UGT1A9: variants seen among roughly 807,000 people sequenced by gnomAD.
UGT1A9 encodes UDP glucuronosyltransferase family 1 member A9.
In UGT1A9, 35 loss-of-function variants were observed where a neutral mutation model predicts 45.0. The ratio of observed to expected loss-of-function variants is 0.78; its 90% CI spans 0.59 to 1.03. UGT1A9 has a LOEUF of 1.03. Ranked by LOEUF, UGT1A9 falls within the 50% of genes least tolerant of loss-of-function variation. The probability of loss-of-function intolerance (pLI) is 0.00; values close to 1 mark genes in which losing one functional copy is unlikely to be tolerated. For missense variants in UGT1A9, 687 were observed against 666.6 expected (o/e 1.03, Z -0.34); for synonymous variants, 278 against 250.6 (o/e 1.11, Z -1.03).
intron 1 of UGT1A9, among the ~76,000 whole-genome samples, chr2:233,744,866 G>A (rs1299036461): frequency 1.3e-4 from 20 of 151,914 alleles, no homozygotes; most frequent in Non-Finnish European, 1.5e-4. Context: ...TATTCTGAAG[G>A]GATTAGTTTA....
At chr2:233,733,101 G>T (rs1559378148) in intron 1 of UGT1A9, among the ~76,000 whole-genome samples, 1 of 151,784 alleles carries the variant, frequency 6.6e-6, no homozygotes, top group Non-Finnish European at 1.5e-5. Flanking sequence ...TCATGGTTTG[G>T]CTCTGTTTGT....
intron 1 of UGT1A9, chr2:233,741,852 C>A (rs961100244): frequency 4.0e-5 from 6 of 151,852 alleles, no homozygotes; most frequent in Admixed American, 6.5e-5. Flanking sequence ...TGCTCTCATG[C>A]CTTATGCAAA....
intron 1 of UGT1A9, chr2:233,713,779 T>G: frequency 6.2e-7 from 1 of 1,614,034 alleles, no homozygotes; most frequent in Non-Finnish European, 8.5e-7. Flanking sequence ...GACTTTGTGA[T>G]GGATTACCCC....
chr2:233,770,111 G>A (rs1335443900), intron 4 of UGT1A9: 1 of 152,202 alleles, frequency 6.6e-6, no homozygotes, highest in Non-Finnish European at 1.5e-5. Flanking sequence ...TGTAACCTAA[G>A]AACAACTTGG....
At chr2:233,717,671 C>T (rs192021569) in intron 1 of UGT1A9, 19 of 419,042 alleles carry the variant, frequency 4.5e-5, no homozygotes, top group African/African-American at 1.2e-4. Flanking sequence ...AGCAATCTTG[C>T]GAGCACATGT....
intron 1 of UGT1A9, chr2:233,760,983 C>A: frequency 6.2e-7 from 1 of 1,614,178 alleles, no homozygotes; most frequent in Non-Finnish European, 8.5e-7. Context: ...CGTATGCAAC[C>A]CTTGCCTCAG....
At chr2:233,692,820 C>G in intron 1 of UGT1A9, 1 of 1,432,178 alleles carries the variant, frequency 7.0e-7, no homozygotes, top group East Asian at 2.5e-5. Context: ...TTCATATTAA[C>G]CATGTGATTA....
chr2:233,741,046 C>A (rs1691547003), intron 1 of UGT1A9, among the ~76,000 whole-genome samples: 1 of 151,736 alleles, frequency 6.6e-6, no homozygotes, highest in African/African-American at 2.4e-5. Context: ...ATGATCTTGC[C>A]TAGGTAACAG....
Position 233,693,326 on chromosome 2 carries a change from C to T in UGT1A9, c.855+20537C>T. ...TGCTGAGCGATCATTCCTAACTGCT[C>T]CTCAGACAGAGTACAGGAATAACAT... On this transcript the variant is annotated intron_variant, in intron 1 of 4. Transcript: ENST00000354728. 6.2e-7 allele frequency: 1 copy of T among 1,614,202 alleles called. No homozygotes were observed. Among genetic ancestry groups the T allele is most frequent in the Non-Finnish European group, 8.5e-7 (1 of 1,180,044 alleles).
intron 1 of UGT1A9, among the ~76,000 whole-genome samples, chr2:233,762,315 G>C (rs565893517): frequency 6.6e-6 from 1 of 152,216 alleles, no homozygotes; most frequent in Non-Finnish European, 1.5e-5. Context: ...TTAATGGGTC[G>C]AGAGTAATCC....
At chr2:233,695,268 G>C (rs1263481356) in intron 1 of UGT1A9, among the ~76,000 whole-genome samples, 1 of 151,854 alleles carries the variant, frequency 6.6e-6, no homozygotes, top group African/African-American at 2.4e-5. Flanking sequence ...TGGGACTATA[G>C]GCATGTGCCA....
intron 1 of UGT1A9, chr2:233,729,953 T>A (rs371021401): frequency 6.2e-7 from 1 of 1,614,064 alleles, no homozygotes; most frequent in Non-Finnish European, 8.5e-7. Context: ...ATGGTCTTCA[T>A]TGGGGGCATC....
chr2:233,754,057 T>C (rs1403033410), intron 1 of UGT1A9, among the ~76,000 whole-genome samples: 1 of 152,246 alleles, frequency 6.6e-6, no homozygotes, highest in Admixed American at 6.5e-5. Flanking sequence ...TTACCTGCTT[T>C]TATAAAGCCT....
intron 1 of UGT1A9, among the ~76,000 whole-genome samples, chr2:233,702,648 A>G (rs1396425709): frequency 6.6e-6 from 1 of 152,146 alleles, no homozygotes; most frequent in East Asian, 1.9e-4. Context: ...ATCTATTCCT[A>G]GCTCGTTGAG....
intron 1 of UGT1A9, among the ~76,000 whole-genome samples, chr2:233,698,922 T>C (rs187139910): frequency 6.6e-6 from 1 of 152,318 alleles, no homozygotes; most frequent in Admixed American, 6.5e-5. Flanking sequence ...GACGTGGCCG[T>C]CTCAGAGGGC....
chr2:233,716,324 A>G (rs1170478675), intron 1 of UGT1A9, among the ~76,000 whole-genome samples: 4 of 152,226 alleles, frequency 2.6e-5, no homozygotes, highest in Non-Finnish European at 5.9e-5. Flanking sequence ...AATGGAATAT[A>G]TTCCCAGGTT....
Position 233,731,393 on chromosome 2 carries a change from G to A in UGT1A9, c.856-35641G>A, listed in dbSNP as rs558248956. Among the ~76,000 whole-genome samples the A allele has an allele frequency of 1.5e-3, 233 of 151,488 alleles. 2 individuals are homozygous for A. Among genetic ancestry groups the A allele is most frequent in the African/African-American group, 5.3e-3 (218 of 41,268 alleles). On this transcript the variant is annotated intron_variant, in intron 1 of 4. Coordinates refer to ENST00000354728, the MANE Select transcript of UGT1A9 (RefSeq NM_021027.3). ...GTTGGTTTCCTGCACCCACCAACTC[G>A]TCATTTACATTAGGTATTTTTCCTA...
At chr2:233,681,861 T>A in intron 1 of UGT1A9, 1 of 1,529,146 alleles carries the variant, frequency 6.5e-7, no homozygotes. Context: ...GAGGGCAGGT[T>A]CTATCTGTAC....
At chr2:233,757,045 G>A (rs1250213092) in intron 1 of UGT1A9, among the ~76,000 whole-genome samples, 2 of 151,734 alleles carry the variant, frequency 1.3e-5, no homozygotes, top group Non-Finnish European at 2.9e-5. Flanking sequence ...ATCAAAGGAA[G>A]TTTGGGGAAC....
Sources: allele counts gnomAD v4.1 joint callset (sites outside exome capture counted in the v4.1 genomes callset), GRCh38; gene constraint gnomAD v4.1.1; transcripts MANE v1.5; gene names NCBI Gene and HGNC (gene_info 2026-07-23, HGNC 2026-07-21).